Variants in SEMA5A observed in about 807,000 individuals in gnomAD.
SEMA5A encodes the protein semaphorin-5A.
In SEMA5A, 55 loss-of-function variants were observed where a neutral mutation model predicts 135.5. The observed-to-expected ratio is 0.41, with a 90% CI of 0.33 to 0.51. SEMA5A has a LOEUF of 0.51. Among genes scored for constraint, SEMA5A ranks in the 20% least tolerant of loss-of-function variants. SEMA5A has a pLI of 0.37. For synonymous variants in SEMA5A, 580 were observed against 546.5 expected (o/e 1.06, Z -0.85); for missense variants, 1,290 against 1,419.9 (o/e 0.91, Z 1.47).
At chr5:9,052,631 G>GTGTT (rs985677950) in intron 19 of SEMA5A, among the ~76,000 whole-genome samples, 2 of 151,984 alleles carry the variant, frequency 1.3e-5, no homozygotes, top group Non-Finnish European at 2.9e-5. Flanking sequence ...ATCTTATCTC[G>GTGTT]TGTTTGCTGT....
intron 16 of SEMA5A, among the ~76,000 whole-genome samples, chr5:9,081,406 T>TTATG (rs1276333851): frequency 6.6e-6 from 1 of 152,106 alleles, no homozygotes; most frequent in African/African-American, 2.4e-5. Flanking sequence ...TAATATACAT[T>TTATG]TATGTATGTA....
At chr5:9,355,331 T>G (rs1268449981) in intron 3 of SEMA5A, among the ~76,000 whole-genome samples, 1 of 152,102 alleles carries the variant, frequency 6.6e-6, no homozygotes, top group African/African-American at 2.4e-5. Flanking sequence ...CTCTTAGGAC[T>G]GTAGCATGGG....
rs1389706654 is a variant in SEMA5A, at chr5:9,041,847, T to A, written c.*1050A>T. ...CGTGGTAGGGGCTGATTGCCACACA[T>A]TGGGTATATCAGAGAGATGAAAAAT... On this transcript the variant is annotated 3_prime_UTR_variant, in exon 23 of 23. Transcript: ENST00000382496. 1 of 152,640 alleles carries A rather than the reference T, an allele frequency of 6.6e-6. No individual in the cohort carries two copies. The highest frequency in any genetic ancestry group is 1.5e-5 in the Non-Finnish European group (1 of 68,044). The allele number at this position is 152,640 out of a possible 1,614,324, so 9.5% of individuals were successfully genotyped here. A position where few individuals can be genotyped will look rare whatever the true frequency, so the allele number is the denominator to read the frequency against.
chr5:9,122,920 G>T, intron 13 of SEMA5A, 83 bp from the exon 14 acceptor site: 1 of 1,265,298 alleles, frequency 7.9e-7, no homozygotes, highest in South Asian at 1.7e-5. Context: ...TCCCTCATAA[G>T]ACAATCAAAA....
chr5:9,404,614 A>T (rs1756804338), intron 2 of SEMA5A, among the ~76,000 whole-genome samples: 1 of 152,196 alleles, frequency 6.6e-6, no homozygotes, highest in South Asian at 2.1e-4. Flanking sequence ...AAAAATGTGT[A>T]TTTGCAATAC....
chr5:9,236,426 C>T (rs1457149148), intron 6 of SEMA5A, among the ~76,000 whole-genome samples: 1 of 152,174 alleles, frequency 6.6e-6, no homozygotes, highest in African/African-American at 2.4e-5. Flanking sequence ...TGAAGTGGGG[C>T]CGAGGGCCGA....
chr5:9,147,405 G>A (rs2150243791), intron 12 of SEMA5A, among the ~76,000 whole-genome samples: 1 of 152,050 alleles, frequency 6.6e-6, no homozygotes, highest in South Asian at 2.1e-4. Context: ...CAGAGTAGCT[G>A]GTTTTACAGG....
chr5:9,213,444 T>C (rs1186291583), intron 8 of SEMA5A, among the ~76,000 whole-genome samples: 1 of 152,044 alleles, frequency 6.6e-6, no homozygotes, highest in Non-Finnish European at 1.5e-5. Context: ...AAGGGCTAGA[T>C]AGGAGGGAGC....
Position 9,400,735 on chromosome 5 carries a change from T to C in SEMA5A, c.-77-20712A>G, listed in dbSNP as rs1253105131. On this transcript the variant is annotated intron_variant, in intron 2 of 22. Coordinates refer to ENST00000382496, the MANE Select transcript of SEMA5A (RefSeq NM_003966.3). The stretch of plus-strand genomic sequence containing the variant: ...TTTAGCCGGGATGGTCTCGATCTCC[T>C]GACCTCGTGATCCGCCCGCCTCGGC... Among the ~76,000 whole-genome samples, 2 of 149,982 alleles carry C rather than the reference T, an allele frequency of 1.3e-5. 1 individual carries two copies. The highest frequency in any genetic ancestry group is 3.0e-5 in the Non-Finnish European group (2 of 67,580).
intron 16 of SEMA5A, among the ~76,000 whole-genome samples, chr5:9,086,218 GT>G (rs772600267): frequency 1.2e-4 from 18 of 152,146 alleles, no homozygotes; most frequent in Non-Finnish European, 1.8e-4. Flanking sequence ...TTGGGGGACT[GT>G]TGGGAAGGTA....
intron 5 of SEMA5A, among the ~76,000 whole-genome samples, chr5:9,248,549 C>G (rs1170043307): frequency 2.0e-5 from 2 of 98,778 alleles, no homozygotes; most frequent in Admixed American, 2.4e-4. Context: ...GAAGTTAACT[C>G]ATACGGCAAA....
At chr5:9,530,280 A>G (rs997495138) in intron 1 of SEMA5A, among the ~76,000 whole-genome samples, 3 of 152,210 alleles carry the variant, frequency 2.0e-5, no homozygotes, top group African/African-American at 7.2e-5. Context: ...GTTGCTTGTG[A>G]TGACAGCTGA....
chr5:9,428,138 A>G (rs1202918595), intron 2 of SEMA5A, among the ~76,000 whole-genome samples: 1 of 126,488 alleles, frequency 7.9e-6, no homozygotes. Flanking sequence ...CTATCTATCT[A>G]TCTATCTATC....
At chr5:9,502,511 T>C (rs1042990510) in intron 1 of SEMA5A, among the ~76,000 whole-genome samples, 28 of 152,166 alleles carry the variant, frequency 1.8e-4, no homozygotes, top group Non-Finnish European at 3.7e-4. Context: ...AGCAGAGAGC[T>C]GGCCTGGAGT....
chr5:9,372,543 T>C (rs918814698), intron 3 of SEMA5A, among the ~76,000 whole-genome samples: 2 of 151,198 alleles, frequency 1.3e-5, no homozygotes, highest in African/African-American at 4.9e-5. Context: ...TGGACACACA[T>C]AAAGACATGG....
At chr5:9,245,227 G>C (rs537596527) in intron 5 of SEMA5A, among the ~76,000 whole-genome samples, 6 of 152,246 alleles carry the variant, frequency 3.9e-5, no homozygotes, top group African/African-American at 1.4e-4. Context: ...TTTGTCTGGA[G>C]TATTCACATG....
intron 11 of SEMA5A, among the ~76,000 whole-genome samples, chr5:9,169,696 C>T (rs1159328141): frequency 4.6e-5 from 7 of 152,148 alleles, no homozygotes; most frequent in Admixed American, 1.3e-4. Context: ...TTTGGTGTGG[C>T]CTCTAGTCAG....
intron 1 of SEMA5A, among the ~76,000 whole-genome samples, chr5:9,482,745 G>A (rs1759923667): frequency 6.6e-6 from 1 of 152,218 alleles, no homozygotes; most frequent in Non-Finnish European, 1.5e-5. Context: ...AACAGCTCCA[G>A]CACAGAGCAC....
intron 5 of SEMA5A, among the ~76,000 whole-genome samples, chr5:9,248,090 C>T (rs1476193716): frequency 2.0e-5 from 3 of 152,114 alleles, no homozygotes; most frequent in Non-Finnish European, 2.9e-5. Flanking sequence ...TGTTCATTTA[C>T]ATGCCAGAGA....
Sources: allele counts gnomAD v4.1 joint callset (sites outside exome capture counted in the v4.1 genomes callset), GRCh38; gene constraint gnomAD v4.1.1; transcripts MANE v1.5; gene names NCBI Gene and HGNC (gene_info 2026-07-23, HGNC 2026-07-21).